RIOX2: variants seen among roughly 807,000 people sequenced by gnomAD.
The protein encoded by RIOX2 is 60S ribosomal protein L27a histidine hydroxylase.
RIOX2 carries 43 observed loss-of-function variants against 51.2 expected under a neutral mutation model. The observed-to-expected ratio is 0.84, with a 90% CI of 0.66 to 1.08. The LOEUF is 1.08. RIOX2 is among the 50% of genes least tolerant of loss of function. RIOX2 has a pLI of 0.00. For missense variants in RIOX2, 566 were observed against 561.7 expected (o/e 1.01, Z -0.08); for synonymous variants, 226 against 218.5 (o/e 1.03, Z -0.30).
In RIOX2 at chr3:97,945,316, T is replaced by C. The variant is rs1442642103; in HGVS notation, c.1266A>G (p.Ser422=). ...TEFHGLRFPL[S]HLDALKQIWN... is the part of the protein sequence containing the mutation. ...AAATTTGCTTCAGTGCATCCAAATG[T>C]GACAAAGGGAAGCGAAGTCCATGAA... Residue 422 remains serine, a synonymous_variant, in exon 10 of 10, where the codon TCA becomes TCG. Transcript: ENST00000394198. 6 of 1,611,838 alleles carry C rather than the reference T, an allele frequency of 3.7e-6. 1 individual carries two copies. The South Asian group carries it at 6.6e-5, about 18-fold the overall frequency.
At chr3:97,956,862 T>A (rs745864090) in intron 4 of RIOX2, among the ~76,000 whole-genome samples, 1 of 152,166 alleles carries the variant, frequency 6.6e-6, no homozygotes, top group Non-Finnish European at 1.5e-5. Context: ...AAGGTAAATA[T>A]CATGATCTCT....
chr3:97,959,328 TTTA>T (rs1443099241), intron 3 of RIOX2, 149 bp from the exon 4 acceptor site: 1 of 803,330 alleles, frequency 1.2e-6, no homozygotes, highest in African/African-American at 1.8e-5. Flanking sequence ...TTTTTTTTTT[TTTA>T]GTTGTTATAG....
In RIOX2 at chr3:97,949,864, C is replaced by G. The variant is rs1398426346; in HGVS notation, c.1040G>C (p.Gly347Ala). Residue 347 changes from glycine (G) to alanine (A), a missense_variant, in exon 7 of 10, where the codon GGG (glycine) becomes GCG (alanine). Transcript: ENST00000394198. ...TCCACCTGGTGTTGACAGCTCTGCC[C>G]CATCTCCCGCAGAGTAAGGGGGGAG... ...HRLPPYSAGDGAELSTPGGKL... is the reference protein window; with the variant it reads ...HRLPPYSAGDAAELSTPGGKL... 4 of 1,613,490 alleles carry G rather than the reference C, an allele frequency of 2.5e-6. No individual in the cohort carries two copies.
At chr3:97,969,238 C>G (rs1284955833) in intron 1 of RIOX2, among the ~76,000 whole-genome samples, 1 of 151,884 alleles carries the variant, frequency 6.6e-6, no homozygotes, top group Non-Finnish European at 1.5e-5. Flanking sequence ...AAAAAATAAA[C>G]TTTAGTGTTT....
intron 5 of RIOX2, chr3:97,952,353 AG>A: frequency 1.6e-6 from 1 of 637,608 alleles, no homozygotes; most frequent in Non-Finnish European, 2.5e-6. Context: ...AGCTCTTCCC[AG>A]CCCCAGCTGA....
chr3:97,945,779 G>C lies in RIOX2; in HGVS notation c.1239+19C>G. ...CACCCAAGTCACAGGATAGGCATTT[G>C]TTTTCAGTTGAAACAAACCTCTGTT... On this transcript the variant is annotated intron_variant, in intron 9 of 9. Transcript: ENST00000394198. 6.4e-7 allele frequency: 1 copy of C among 1,571,106 alleles called. No individual in the cohort carries two copies. The highest frequency in any genetic ancestry group is 8.7e-7 in the Non-Finnish European group (1 of 1,143,832).
chr3:97,954,350 T>A, intron 5 of RIOX2, 42 bp downstream of exon 5: 1 of 1,450,284 alleles, frequency 6.9e-7, no homozygotes, highest in East Asian at 2.3e-5. Flanking sequence ...AGGCCAGGAC[T>A]CAGAGCTGTC....
At chr3:97,959,245 G>A (rs928563599) in intron 3 of RIOX2, 66 bp from the exon 4 acceptor site, 67 of 1,541,678 alleles carry the variant, frequency 4.3e-5, no homozygotes, top group Middle Eastern at 2.1e-4. Flanking sequence ...AAGTGCTTCC[G>A]GACTATTAGC....
chr3:97,951,982 A>G (rs895657368), intron 5 of RIOX2, among the ~76,000 whole-genome samples: 3 of 152,236 alleles, frequency 2.0e-5, no homozygotes, highest in Non-Finnish European at 4.4e-5. Context: ...TAGAAGTTAA[A>G]TAGTGCTCCT....
At chr3:97,964,336 T>G (rs1480115065) in intron 2 of RIOX2, among the ~76,000 whole-genome samples, 1 of 152,098 alleles carries the variant, frequency 6.6e-6, no homozygotes, top group African/African-American at 2.4e-5. Context: ...CAGAAACCCT[T>G]ATCAGCTTGG....
Position 97,945,831 on chromosome 3 carries a change from C to G in RIOX2, c.1206G>C (p.Glu402Asp), listed in dbSNP as rs770506396. The stretch of plus-strand genomic sequence containing the variant: ...CCTCCTCATTTCCCATCATGTGTGT[C>G]TCTCTACTATTCTTTAAGGAATGAT... ...YIYHSLKNSRETHMMGNEEET... is the reference protein window; with the variant it reads ...YIYHSLKNSRDTHMMGNEEET... Residue 402 changes from glutamate to aspartate, a missense_variant, in exon 9 of 10, where the codon GAG (glutamate) becomes GAC (aspartate). By Grantham distance (45) the Glu-to-Asp change is conservative (BLOSUM62 2). Transcript: ENST00000394198. 1.9e-6 allele frequency: 3 copies of G among 1,611,064 alleles called. No individual in the cohort carries two copies. Among genetic ancestry groups the G allele is most frequent in the East Asian group, 4.5e-5 (2 of 44,846 alleles).
At chr3:97,957,916 T>C (rs75137615) in intron 4 of RIOX2, among the ~76,000 whole-genome samples, 3 of 152,190 alleles carry the variant, frequency 2.0e-5, no homozygotes, top group Non-Finnish European at 2.9e-5. Flanking sequence ...GCTGGTGTAG[T>C]ATGAACACAG....
intron 5 of RIOX2, among the ~76,000 whole-genome samples, chr3:97,951,992 T>C (rs768323630): frequency 1.8e-4 from 28 of 152,206 alleles, no homozygotes; most frequent in Non-Finnish European, 4.1e-4. Context: ...ATAGTGCTCC[T>C]CTAAGAGTCA....
rs904158267 is a variant in RIOX2 at position 97,952,012 on chromosome 3, T to C, written c.786-1124A>G. ...GCTCCTCTAAGAGTCAGAATAGATA[T>C]TGGGACTTCCCACAATTTAGGAATA... On this transcript the variant is annotated intron_variant, in intron 5 of 9. Transcript: ENST00000394198. 7 of 459,440 alleles carry C rather than the reference T, an allele frequency of 1.5e-5. 1 individual carries two copies. The highest frequency in any genetic ancestry group is 1.0e-4 in the African/African-American group (5 of 50,004). The allele number at this position is 459,440 out of a possible 1,614,324, so 28.5% of individuals were successfully genotyped here. A position where few individuals can be genotyped will look rare whatever the true frequency, so the allele number is the denominator to read the frequency against.
chr3:97,952,665 C>T (rs1351221818), intron 5 of RIOX2, among the ~76,000 whole-genome samples: 2 of 152,158 alleles, frequency 1.3e-5, no homozygotes, highest in Admixed American at 6.5e-5. Context: ...CACAGATGCA[C>T]GGATATTCAA....
chr3:97,965,329 T>A (rs530986743), intron 2 of RIOX2, among the ~76,000 whole-genome samples: 2 of 150,730 alleles, frequency 1.3e-5, no homozygotes, highest in South Asian at 4.2e-4. Flanking sequence ...CTGGCCAACA[T>A]GGCGAAACCC....
intron 2 of RIOX2, among the ~76,000 whole-genome samples, chr3:97,963,407 T>G (rs1705756713): frequency 6.6e-6 from 1 of 152,212 alleles, no homozygotes; most frequent in African/African-American, 2.4e-5. Flanking sequence ...GGATTACAGA[T>G]GTGAGCCATG....
In RIOX2 at chr3:97,943,216, TC is replaced by T; in HGVS notation, c.*1967del. ...ACAAATAATCTTTTCTTTTGGAATT[TC>T]TATTTTAGGAGGAAATTATTGTGAC... On this transcript the variant is annotated 3_prime_UTR_variant, in exon 10 of 10. Coordinates refer to ENST00000394198, the MANE Select transcript of RIOX2 (RefSeq NM_153182.4). The T allele has an allele frequency of 6.7e-7, 1 of 1,499,912 alleles. No homozygotes were observed. Among genetic ancestry groups the T allele is most frequent in the Non-Finnish European group, 9.2e-7 (1 of 1,088,094 alleles). The allele number at this position is 1,499,912 out of a possible 1,614,324, so 92.9% of individuals were successfully genotyped here. A position where few individuals can be genotyped will look rare whatever the true frequency, so the allele number is the denominator to read the frequency against.
At chr3:97,954,601 T>C (rs1200663508) in intron 4 of RIOX2, 106 bp from the exon 5 acceptor site, 1 of 916,764 alleles carries the variant, frequency 1.1e-6, no homozygotes, top group African/African-American at 1.6e-5. Context: ...TTCTCCATTC[T>C]AGAAACCACA....
Sources: gnomAD v4.1 joint callset for allele counts (sites outside exome capture counted in the v4.1 genomes callset) on GRCh38, gnomAD v4.1.1 for gene constraint, MANE v1.5 for transcripts, NCBI Gene and HGNC (gene_info 2026-07-23, HGNC 2026-07-21) for gene names.